Variants in SLCO1B1 observed in about 807,000 individuals in gnomAD.
The protein encoded by SLCO1B1 is solute carrier organic anion transporter family member 1B1.
SLCO1B1 carries 81 observed loss-of-function variants against 70.1 expected under a neutral mutation model. The ratio of observed to expected loss-of-function variants is 1.16; its 90% CI spans 0.97 to 1.39. SLCO1B1 has a LOEUF of 1.39. SLCO1B1 is among the 40% of genes most tolerant of loss of function. The pLI, the probability that SLCO1B1 is intolerant of heterozygous loss-of-function variation, is 0.00. For synonymous variants in SLCO1B1, 283 were observed against 271.5 expected (o/e 1.04, Z -0.42); for missense variants, 895 against 799.6 (o/e 1.12, Z -1.44).
chr12:21,234,611 G>A (rs1384817309), intron 14 of SLCO1B1, among the ~76,000 whole-genome samples: 1 of 152,078 alleles, frequency 6.6e-6, no homozygotes, highest in Admixed American at 6.6e-5. Context: ...GCAAGATGGA[G>A]TTGGTTAGGT....
At position 21,150,092 on chromosome 12, in the gene SLCO1B1, G is replaced by A. The variant is rs557875211; in HGVS notation, c.84+8434G>A. Among the ~76,000 whole-genome samples the A allele has an allele frequency of 5.3e-5, 8 of 152,230 alleles. No homozygotes were observed. The South Asian group carries it at 1.7e-3, about 32-fold the overall frequency. ...TGCAAACAAAGCCACTAGGAACTGG[G>A]TGGAGCCCACCGCAGCTCCACAAAG... On this transcript the variant is annotated intron_variant, in intron 2 of 14. Coordinates refer to ENST00000256958, the MANE Select transcript of SLCO1B1 (RefSeq NM_006446.5).
intron 14 of SLCO1B1, among the ~76,000 whole-genome samples, chr12:21,234,553 A>G (rs1187799407): frequency 6.6e-6 from 1 of 152,170 alleles, no homozygotes; most frequent in African/African-American, 2.4e-5. Flanking sequence ...TCCCAGAATT[A>G]GTTCGGCTTA....
At chr12:21,232,546 A>G (rs1430353979) in intron 14 of SLCO1B1, among the ~76,000 whole-genome samples, 2 of 150,058 alleles carry the variant, frequency 1.3e-5, no homozygotes, top group African/African-American at 4.9e-5. Context: ...TCCTAAGCCT[A>G]CTTTCTACAT....
At chr12:21,219,788 T>C (rs1265563544) in intron 12 of SLCO1B1, among the ~76,000 whole-genome samples, 2 of 152,184 alleles carry the variant, frequency 1.3e-5, no homozygotes, top group African/African-American at 4.8e-5. Flanking sequence ...TGAGAGACAG[T>C]CTTGCTCTGT....
At chr12:21,235,266 G>A (rs895518945) in intron 14 of SLCO1B1, among the ~76,000 whole-genome samples, 1 of 151,214 alleles carries the variant, frequency 6.6e-6, no homozygotes, top group African/African-American at 2.4e-5. Context: ...GTTAAATCTT[G>A]TTGAATTAAA....
intron 2 of SLCO1B1, among the ~76,000 whole-genome samples, chr12:21,164,109 T>C (rs1940657272): frequency 6.6e-6 from 1 of 152,128 alleles, no homozygotes; most frequent in Non-Finnish European, 1.5e-5. Flanking sequence ...GGCAGATCCA[T>C]TTTTTCTAAT....
At chr12:21,212,890 T>C (rs1350902540) in intron 11 of SLCO1B1, among the ~76,000 whole-genome samples, 3 of 152,140 alleles carry the variant, frequency 2.0e-5, no homozygotes, top group Non-Finnish European at 4.4e-5. Flanking sequence ...TTGCAACCCC[T>C]AACTTTTTTT....
chr12:21,223,852 G>A (rs145295397), intron 13 of SLCO1B1, among the ~76,000 whole-genome samples: 1 of 152,216 alleles, frequency 6.6e-6, no homozygotes. Flanking sequence ...CCTAGAACCA[G>A]GAGTGAATCT....
chr12:21,139,303 A>C (rs1434663607), intron 1 of SLCO1B1, among the ~76,000 whole-genome samples: 1 of 152,120 alleles, frequency 6.6e-6, no homozygotes, highest in African/African-American at 2.4e-5. Flanking sequence ...CTTGAGACTA[A>C]ACAGCCATTG....
intron 2 of SLCO1B1, among the ~76,000 whole-genome samples, chr12:21,145,244 A>C (rs942424117): frequency 1.3e-5 from 2 of 152,132 alleles, no homozygotes; most frequent in African/African-American, 2.4e-5. Flanking sequence ...GGATATTTAT[A>C]AGGTGCTTAG....
At chr12:21,160,106 T>TAAAAAAAAAAAAA (rs56102570) in intron 2 of SLCO1B1, among the ~76,000 whole-genome samples, 1 of 111,952 alleles carries the variant, frequency 8.9e-6, no homozygotes, top group Non-Finnish European at 1.8e-5. Context: ...TTCACAGAAC[T>TAAAAAAAAAAAAA]AAAAAAAAAA....
chr12:21,163,713 T>A (rs1940650768), intron 2 of SLCO1B1, among the ~76,000 whole-genome samples: 2 of 152,168 alleles, frequency 1.3e-5, no homozygotes, highest in Admixed American at 6.5e-5. Context: ...GTTCTCTTCT[T>A]AAAAGGGTAC....
chr12:21,221,138 A>G (rs550021144), intron 12 of SLCO1B1, among the ~76,000 whole-genome samples: 1 of 152,286 alleles, frequency 6.6e-6, no homozygotes, highest in South Asian at 2.1e-4. Flanking sequence ...ATCCTCAACA[A>G]TCTGGGCATC....
rs560160331 is a variant in SLCO1B1, at chr12:21,228,376, C to T, written c.1865+3537C>T. On this transcript the variant is annotated intron_variant, in intron 14 of 14. Coordinates refer to ENST00000256958, the MANE Select transcript of SLCO1B1 (RefSeq NM_006446.5). ...CAGATTGAAGATATTACTCTATTGTCTTCTAAGTTCCATTTTACTCTTGAT... is the reference window on the plus strand; with the variant it reads ...CAGATTGAAGATATTACTCTATTGTTTTCTAAGTTCCATTTTACTCTTGAT... 1.6e-4 allele frequency among the ~76,000 whole-genome samples: 25 copies of T among 152,278 alleles called. No homozygotes were observed. In the South Asian group the frequency reaches 4.6e-3, roughly 28 times the overall value.
intron 2 of SLCO1B1, among the ~76,000 whole-genome samples, chr12:21,166,106 G>A (rs957999270): frequency 6.6e-6 from 1 of 151,730 alleles, no homozygotes; most frequent in Non-Finnish European, 1.5e-5. Context: ...AAAGAGAAGA[G>A]ACAGAGAAAA....
chr12:21,238,025 T>C (rs981596504), intron 14 of SLCO1B1, among the ~76,000 whole-genome samples: 1 of 152,152 alleles, frequency 6.6e-6, no homozygotes, highest in African/African-American at 2.4e-5. Flanking sequence ...TAATTATTTT[T>C]TAAAAATGTT....
At chr12:21,210,063 A>C (rs999591094) in intron 11 of SLCO1B1, among the ~76,000 whole-genome samples, 2 of 146,712 alleles carry the variant, frequency 1.4e-5, no homozygotes, top group African/African-American at 2.5e-5. Flanking sequence ...CTTTAGTTTA[A>C]TTAGATCCCA....
At chr12:21,221,087 GA>G (rs71043254) in intron 12 of SLCO1B1, among the ~76,000 whole-genome samples, 51,625 of 151,782 alleles carry the variant, frequency 0.34, 9,119 homozygotes, top group East Asian at 0.45. Context: ...AATAGATGCA[GA>G]AAAATTATTT....
chr12:21,228,635 A>G (rs541122494), intron 14 of SLCO1B1, among the ~76,000 whole-genome samples: 2 of 152,332 alleles, frequency 1.3e-5, no homozygotes, highest in African/African-American at 4.8e-5. Context: ...GTGATGTGAG[A>G]AAGACTCAGT....
Sources: gnomAD v4.1 joint callset for allele counts (sites outside exome capture counted in the v4.1 genomes callset) on GRCh38, gnomAD v4.1.1 for gene constraint, MANE v1.5 for transcripts, NCBI Gene and HGNC (gene_info 2026-07-23, HGNC 2026-07-21) for gene names.